FGF1: variants seen among roughly 807,000 people sequenced by gnomAD.
FGF1 encodes the protein beta-endothelial cell growth factor.
In FGF1, 9 loss-of-function variants were observed where a neutral mutation model predicts 13.4. The observed-to-expected ratio is 0.67, with a 90% confidence interval of 0.40 to 1.17. FGF1 has a LOEUF of 1.17. FGF1 is among the 50% of genes most tolerant of loss of function. FGF1 has a pLI of 0.01. For synonymous variants in FGF1, 93 were observed against 79.0 expected, an observed-to-expected ratio of 1.18 and a Z score of -0.94; for missense variants, 156 against 192.7, an observed-to-expected ratio of 0.81 and a Z score of 1.13.
intron 2 of FGF1, among the ~76,000 whole-genome samples, chr5:142,606,394 A>G (rs1204318228): frequency 6.6e-6 from 1 of 151,932 alleles, no homozygotes; most frequent in African/African-American, 2.4e-5. Flanking sequence ...AGGCAGGTAG[A>G]TCACGAGGTC....
intron 1 of FGF1, among the ~76,000 whole-genome samples, chr5:142,666,279 T>TACACACACACACACAC (rs70991775): frequency 1.6e-5 from 1 of 62,570 alleles, no homozygotes; most frequent in African/African-American, 6.5e-5. Flanking sequence ...GAGCATGTAA[T>TACACACACACACACAC]ACACACACAC....
chr5:142,630,622 C>A (rs1208224311), intron 1 of FGF1, among the ~76,000 whole-genome samples: 2 of 152,174 alleles, frequency 1.3e-5, no homozygotes, highest in Non-Finnish European at 2.9e-5. Flanking sequence ...CCCTTTGCCC[C>A]TCTATTCCAG....
At chr5:142,633,925 C>T (rs891078530) in intron 1 of FGF1, among the ~76,000 whole-genome samples, 3 of 151,942 alleles carry the variant, frequency 2.0e-5, no homozygotes, top group African/African-American at 7.3e-5. Context: ...TGGCTCACGC[C>T]TGTAATCCAC....
chr5:142,632,632 G>A (rs1763544928), intron 1 of FGF1, among the ~76,000 whole-genome samples: 1 of 152,182 alleles, frequency 6.6e-6, no homozygotes, highest in East Asian at 1.9e-4. Flanking sequence ...TAACTTTTCT[G>A]TTCATAGAGA....
intron 1 of FGF1, among the ~76,000 whole-genome samples, chr5:142,614,608 G>A (rs1371398377): frequency 3.3e-5 from 5 of 152,174 alleles, no homozygotes; most frequent in African/African-American, 4.8e-5. Flanking sequence ...TTGCGTTGGT[G>A]AGGTACCGCG....
intron 2 of FGF1, among the ~76,000 whole-genome samples, chr5:142,602,773 G>A (rs1756859565): frequency 6.6e-6 from 1 of 151,886 alleles, no homozygotes; most frequent in African/African-American, 2.4e-5. Flanking sequence ...GATGGAAAGA[G>A]TAAACTTCTT....
At chr5:142,627,831 A>G (rs1414792195) in intron 1 of FGF1, among the ~76,000 whole-genome samples, 4 of 152,190 alleles carry the variant, frequency 2.6e-5, no homozygotes, top group African/African-American at 9.7e-5. Flanking sequence ...CTTTTTAAGG[A>G]TGTGGTCTAT....
At chr5:142,632,818 C>CTTGTAATGG (rs551111671) in intron 1 of FGF1, among the ~76,000 whole-genome samples, 1 of 151,968 alleles carries the variant, frequency 6.6e-6, no homozygotes, top group Non-Finnish European at 1.5e-5. Flanking sequence ...TGCACCTTCA[C>CTTGTAATGG]TTGTAATGGT....
chr5:142,614,493 T>C (rs1235212334), intron 1 of FGF1, among the ~76,000 whole-genome samples: 1 of 152,106 alleles, frequency 6.6e-6, no homozygotes, highest in Non-Finnish European at 1.5e-5. Flanking sequence ...TCCACACACA[T>C]CCTCAAATTA....
chr5:142,679,590 C>A (rs909604107), intron 1 of FGF1, among the ~76,000 whole-genome samples: 19 of 152,330 alleles, frequency 1.2e-4, no homozygotes, highest in African/African-American at 4.6e-4. Flanking sequence ...GCTGAATGAA[C>A]CTGACATGGC....
chr5:142,666,127 C>G (rs1770269122), intron 1 of FGF1, among the ~76,000 whole-genome samples: 1 of 68,326 alleles, frequency 1.5e-5, no homozygotes, highest in Non-Finnish European at 3.2e-5. Flanking sequence ...GAAAAGTTCT[C>G]AGACTTGATT....
chr5:142,677,214 G>C (rs778449919), intron 1 of FGF1, among the ~76,000 whole-genome samples: 13 of 152,152 alleles, frequency 8.5e-5, no homozygotes, highest in Non-Finnish European at 1.3e-4. Context: ...GTCCTTAAAG[G>C]TATTGGTTCA....
chr5:142,678,372 C>T (rs752778042), intron 1 of FGF1, among the ~76,000 whole-genome samples: 2 of 152,194 alleles, frequency 1.3e-5, no homozygotes, highest in Non-Finnish European at 2.9e-5. Flanking sequence ...ATGCCAACAA[C>T]AGCTGAGAAG....
intron 1 of FGF1, among the ~76,000 whole-genome samples, chr5:142,667,585 C>CAAAA (rs747487970): frequency 1.6e-5 from 1 of 61,882 alleles, no homozygotes; most frequent in Non-Finnish European, 3.6e-5. Flanking sequence ...GACTCCGTCT[C>CAAAA]AAAAAAAAAA....
At chr5:142,657,682 C>T (rs548974217) in intron 1 of FGF1, among the ~76,000 whole-genome samples, 4 of 152,368 alleles carry the variant, frequency 2.6e-5, no homozygotes, top group Admixed American at 6.5e-5. Flanking sequence ...CGGCTGCGGC[C>T]GAGTGTCTGC....
At chr5:142,670,397 T>G (rs1771226478) in intron 1 of FGF1, among the ~76,000 whole-genome samples, 1 of 152,172 alleles carries the variant, frequency 6.6e-6, no homozygotes, top group Admixed American at 6.5e-5. Context: ...CTCCTCATCC[T>G]TCAAGGCCTA....
chr5:142,637,236 A>G (rs1403813988), intron 1 of FGF1, among the ~76,000 whole-genome samples: 1 of 151,920 alleles, frequency 6.6e-6, no homozygotes, highest in Non-Finnish European at 1.5e-5. Flanking sequence ...CAAGGAATAT[A>G]ATTTCCAAAC....
intron 1 of FGF1, among the ~76,000 whole-genome samples, chr5:142,648,687 A>T (rs1963466): frequency 8.6e-6 from 1 of 115,832 alleles, no homozygotes; most frequent in East Asian, 2.3e-4. Flanking sequence ...TCCCCCACCA[A>T]CCAAAAAAAA....
chr5:142,663,540 A>AAACT (rs1769699586), intron 1 of FGF1, among the ~76,000 whole-genome samples: 1 of 152,208 alleles, frequency 6.6e-6, no homozygotes, highest in African/African-American at 2.4e-5. Context: ...TATTGGAAAG[A>AAACT]TAGCCAAGAG....
Sources: allele counts gnomAD v4.1 joint callset (sites outside exome capture counted in the v4.1 genomes callset), GRCh38; gene constraint gnomAD v4.1.1; transcripts MANE v1.5; gene names NCBI Gene and HGNC (gene_info 2026-07-23, HGNC 2026-07-21).